The following RHBDD1 variants were observed in gnomAD, a reference collection of about 807,000 sequenced individuals.
The protein encoded by RHBDD1 is rhomboid domain containing 1.
Under a neutral mutation model 36.3 loss-of-function variants are expected in RHBDD1, and 38 were observed. That is an observed-to-expected ratio of 1.05 (90% CI 0.81 to 1.37). The LOEUF (loss-of-function observed/expected upper bound fraction) is 1.37. RHBDD1 is among the 40% of genes most tolerant of loss of function. The pLI is 0.00. For missense variants in RHBDD1, 393 were observed against 377.6 expected (o/e 1.04, Z -0.34); for synonymous variants, 151 against 136.5 (o/e 1.11, Z -0.74).
intron 3 of RHBDD1, among the ~76,000 whole-genome samples, chr2:226,849,426 G>A (rs1942568125): frequency 2.0e-5 from 3 of 152,226 alleles, no homozygotes; most frequent in African/African-American, 2.4e-5. Context: ...GAGTCAGGTT[G>A]GGAGCTGGCT....
chr2:226,937,259 A>G (rs1268852120), intron 8 of RHBDD1, among the ~76,000 whole-genome samples: 1 of 152,186 alleles, frequency 6.6e-6, no homozygotes, highest in African/African-American at 2.4e-5. Context: ...CTCATTCAAC[A>G]AAACTTGAGG....
intron 8 of RHBDD1, among the ~76,000 whole-genome samples, chr2:226,944,871 T>TC (rs1228528235): frequency 6.6e-6 from 1 of 152,126 alleles, no homozygotes; most frequent in Non-Finnish European, 1.5e-5. Context: ...GATTTTTGTT[T>TC]CCCCTTGAAT....
At chr2:226,817,270 A>G in the RHBDD1 span, among the ~76,000 whole-genome samples, 1 of 152,208 alleles carries the variant, frequency 6.6e-6, no homozygotes, top group East Asian at 1.9e-4. Flanking sequence ...TCTGAGAGCT[A>G]AAAGTTAGTC....
chr2:226,819,882 G>T, the RHBDD1 span, among the ~76,000 whole-genome samples: 1 of 151,216 alleles, frequency 6.6e-6, no homozygotes, highest in Non-Finnish European at 1.5e-5. Context: ...CCTTGATTAT[G>T]TGCACTAAAA....
chr2:226,870,569 A>C (rs1944717559), intron 5 of RHBDD1, among the ~76,000 whole-genome samples: 1 of 152,158 alleles, frequency 6.6e-6, no homozygotes. Context: ...ACCCCTGAAC[A>C]ACTTGGGGGT....
Position 226,910,508 on chromosome 2 carries a change from C to T in RHBDD1, c.712+1630C>T, listed in dbSNP as rs866195482. 1.2e-4 allele frequency among the ~76,000 whole-genome samples: 19 copies of T among 152,098 alleles called. No individual in the cohort carries two copies. The South Asian group carries it at 1.3e-3, about 10-fold the overall frequency. The stretch of plus-strand genomic sequence containing the variant: ...AAAGTCTTTATAGGTCAAAGAACCG[C>T]ATGAATATTTAAAAAGCTGTTACCA... On this transcript the variant is annotated intron_variant, in intron 7 of 8. Transcript: ENST00000392062.
At position 226,882,430 on chromosome 2, in the gene RHBDD1, CAAAAAAAAAA is replaced by C. The variant is rs58149634; in HGVS notation, c.566+15127_566+15136del. Among the ~76,000 whole-genome samples, 6 of 57,118 alleles carry C rather than the reference CAAAAAAAAAA, an allele frequency of 1.1e-4. No individual in the cohort carries two copies. In the South Asian group the frequency reaches 3.1e-3, roughly 29 times the overall value. 37.5% of individuals were successfully genotyped at this position (57,118 alleles called of 152,430 possible). ...GGGCAACAAGAGTGAGACTTTGCCT[CAAAAAAAAAA>C]AAAAAAAAAAAAAAGAAGAAGAAGA... On this transcript the variant is annotated intron_variant, in intron 5 of 8. Coordinates refer to ENST00000392062, the MANE Select transcript of RHBDD1 (RefSeq NM_001167608.3).
At chr2:226,831,598 C>T (rs1167911017), upstream of RHBDD1, among the ~76,000 whole-genome samples, 2 of 152,146 alleles carry the variant, frequency 1.3e-5, no homozygotes, top group African/African-American at 4.8e-5. Flanking sequence ...ATTCTCTCTT[C>T]CAGGTTTCAG....
At chr2:226,892,930 A>G (rs2125513195) in intron 5 of RHBDD1, among the ~76,000 whole-genome samples, 1 of 152,308 alleles carries the variant, frequency 6.6e-6, no homozygotes, top group Admixed American at 6.5e-5. Context: ...TAAATTGTAA[A>G]ACTTCTTTAA....
intron 8 of RHBDD1, among the ~76,000 whole-genome samples, chr2:226,933,698 G>A (rs1559287850): frequency 6.6e-6 from 1 of 152,000 alleles, no homozygotes; most frequent in Non-Finnish European, 1.5e-5. Flanking sequence ...GGCTTGGGAG[G>A]CTGCCCAATT....
At chr2:226,975,490 A>T (rs1247495935) in intron 8 of RHBDD1, among the ~76,000 whole-genome samples, 1 of 152,138 alleles carries the variant, frequency 6.6e-6, no homozygotes, top group African/African-American at 2.4e-5. Flanking sequence ...GATTTTCCTC[A>T]TTCTTATTTC....
intron 8 of RHBDD1, among the ~76,000 whole-genome samples, chr2:226,980,169 G>A (rs950693491): frequency 6.6e-6 from 1 of 152,130 alleles, no homozygotes; most frequent in African/African-American, 2.4e-5. Context: ...TTGGTCCTCA[G>A]AACACACCCA....
At chr2:226,806,421 T>C in the RHBDD1 span, among the ~76,000 whole-genome samples, 162 of 152,338 alleles carry the variant, frequency 1.1e-3, 1 homozygote, top group South Asian at 5.6e-3. Context: ...ATGAGTTTTA[T>C]GTATGCTAAG....
chr2:226,858,780 A>G (rs955719798), intron 3 of RHBDD1, among the ~76,000 whole-genome samples: 4 of 152,096 alleles, frequency 2.6e-5, no homozygotes, highest in South Asian at 4.1e-4. Context: ...TTAATTTCTC[A>G]TTAAAAGTAA....
chr2:226,898,903 C>T (rs1947354438), intron 5 of RHBDD1, among the ~76,000 whole-genome samples: 3 of 152,204 alleles, frequency 2.0e-5, no homozygotes, highest in Non-Finnish European at 2.9e-5. Flanking sequence ...GTTCCTTTAC[C>T]TTGTCCAACA....
intron 3 of RHBDD1, among the ~76,000 whole-genome samples, chr2:226,841,005 G>A (rs1941556987): frequency 6.6e-6 from 1 of 152,080 alleles, no homozygotes; most frequent in Admixed American, 6.5e-5. Context: ...CAATGAATCA[G>A]TTGTGATTCT....
chr2:226,868,423 CT>C (rs2125269351), intron 5 of RHBDD1, among the ~76,000 whole-genome samples: 1 of 152,296 alleles, frequency 6.6e-6, no homozygotes, highest in Admixed American at 6.5e-5. Context: ...CTTTTCTCTG[CT>C]TTTTGTTTAG....
chr2:226,826,198 T>C, the RHBDD1 span, among the ~76,000 whole-genome samples: 7 of 152,128 alleles, frequency 4.6e-5, no homozygotes, highest in African/African-American at 1.2e-4. Flanking sequence ...AAATAGGAAA[T>C]AGAATGATCT....
chr2:226,929,759 A>G (rs1432133122), intron 8 of RHBDD1, among the ~76,000 whole-genome samples: 6 of 152,036 alleles, frequency 3.9e-5, no homozygotes, highest in Non-Finnish European at 8.8e-5. Context: ...GACGACTCCA[A>G]AAGACTTCCT....
Sources: allele counts gnomAD v4.1 joint callset (sites outside exome capture counted in the v4.1 genomes callset), GRCh38; gene constraint gnomAD v4.1.1; transcripts MANE v1.5; gene names NCBI Gene and HGNC (gene_info 2026-07-23, HGNC 2026-07-21).